SRCAP: variants seen among roughly 807,000 people sequenced by gnomAD.
SRCAP encodes the protein Snf2 related CREBBP activator protein, also known as chromatin remodeling protein SRCAP.
In SRCAP, 46 loss-of-function variants were observed where a neutral mutation model predicts 263.1. The ratio of observed to expected loss-of-function variants is 0.17; its 90% confidence interval spans 0.14 to 0.22. SRCAP has a LOEUF of 0.22. Among genes scored for constraint, SRCAP ranks in the 10% least tolerant of loss-of-function variants. The pLI is 1.00. For missense variants in SRCAP, 3,695 were observed against 4,181.9 expected, an observed-to-expected ratio of 0.88 and a Z score of 3.21; for synonymous variants, 1,813 against 1,662.1, an observed-to-expected ratio of 1.09 and a Z score of -2.21.
rs1596670103 is a variant in SRCAP at position 30,739,112 on chromosome 16, C to T, written c.9072C>T (p.Val3024=). 3.7e-6 allele frequency: 6 copies of T among 1,614,250 alleles called. No homozygotes were observed. The Middle Eastern group carries it at 4.9e-4, about 133-fold the overall frequency. Residue 3024 remains valine (V), a synonymous_variant, in exon 34 of 34, where the codon GTC becomes GTT. Coordinates refer to ENST00000262518, the MANE Select transcript of SRCAP (RefSeq NM_006662.3). ...PPSPRPSQLP[V]LDRDSTSVLE... ...CACCTCGGCCCAGCCAGCTCCCCGT[C>T]TTGGACCGTGACAGCACTTCTGTTC...
rs1292586485 is a variant in SRCAP, at chr16:30,733,299, A to G, written c.6147A>G (p.Ala2049=). Residue 2049 remains alanine (A), a synonymous_variant, in exon 28 of 34, where the codon GCA becomes GCG. Transcript: ENST00000262518. This position sits in a 1 kb window ranked among gnomAD's most constrained non-coding sequence, Gnocchi z 5.3. ...CTTTAGGAAAGTTGCAGACGTTGGC[A>G]GTGCTGTTGCGGCAGCTCAAGGCAG... is the stretch of plus-strand genomic sequence containing the variant. ...QYDCGKLQTL[A]VLLRQLKAEG... The G allele has an allele frequency of 1.9e-6, 3 of 1,614,058 alleles. No homozygotes were observed. The South Asian group carries it at 3.3e-5, about 18-fold the overall frequency.
chr16:30,720,221 G>A lies in SRCAP; in HGVS notation c.2877G>A (p.Glu959=), dbSNP rs1937748622. 2.5e-6 allele frequency: 4 copies of A among 1,613,982 alleles called. No individual in the cohort carries two copies. The highest frequency in any genetic ancestry group is 1.7e-5 in the Admixed American group (1 of 59,992). ...TGGAAGGTCGTGTCTCTCGATATGA[G>A]GCAGACACATTTCTGCCCCGGCACC... is the stretch of plus-strand genomic sequence containing the variant. ...IGLEGRVSRY[E]ADTFLPRHRL... is the part of the protein sequence containing the mutation. Residue 959 remains glutamate, a synonymous_variant, in exon 19 of 34, where the codon GAG becomes GAA. Coordinates refer to ENST00000262518, the MANE Select transcript of SRCAP (RefSeq NM_006662.3).
chr16:30,711,132 G>T (rs1439612829), intron 10 of SRCAP, 44 bp downstream of exon 10: 1 of 1,464,814 alleles, frequency 6.8e-7, no homozygotes, highest in African/African-American at 1.4e-5. Flanking sequence ...CTTGGTGTCT[G>T]CGGTGTGCAG....
In SRCAP at chr16:30,738,453, A is replaced by G. The variant is rs369664039; in HGVS notation, c.8413A>G (p.Ile2805Val). ...SMSGPESSPP[I>V]GGPCEAAPSS... ...GTCAGGGCCAGAATCCTCCCCTCCC[A>G]TTGGTGGGCCCTGTGAAGCTGCTCC... Residue 2805 changes from isoleucine to valine, a missense_variant, in exon 34 of 34, where the codon ATT becomes GTT. Ile to Val is a conservative substitution (Grantham distance 29). Around this residue, in one of 12 missense-constraint regions of SRCAP, gnomAD observed 1,207 missense variants for 1,142.9 expected, o/e 1.06. Transcript: ENST00000262518. 3 of 1,561,570 alleles carry G rather than the reference A, an allele frequency of 1.9e-6. No homozygotes were observed. Among genetic ancestry groups the G allele is most frequent in the African/African-American group, 1.4e-5 (1 of 73,234 alleles).
chr16:30,707,150 G>C (rs1203408284), intron 4 of SRCAP, 33 bp from the exon 5 acceptor site: 1 of 1,611,036 alleles, frequency 6.2e-7, no homozygotes, highest in Admixed American at 1.7e-5. Flanking sequence ...TGTGTGTTTA[G>C]AACTGTTGAT....
chr16:30,720,391 A>T, intron 19 of SRCAP, 60 bp downstream of exon 19: 1 of 1,569,968 alleles, frequency 6.4e-7, no homozygotes, highest in Non-Finnish European at 8.7e-7. Context: ...AGCTGCCCAG[A>T]GGGGCCTGGG....
intron 30 of SRCAP, 116 bp downstream of exon 30, chr16:30,734,124 C>G (rs2053137307): frequency 1.1e-6 from 1 of 908,912 alleles, no homozygotes; most frequent in Non-Finnish European, 1.7e-6. Flanking sequence ...AGGCGGATCA[C>G]TTGAGGCCAG....
chr16:30,729,040 T>C lies in SRCAP; in HGVS notation c.5733T>C (p.His1911=). The part of the protein sequence containing the change: ...LERIFQLSEA[H]GALAPVYGTE... The stretch of plus-strand genomic sequence containing the variant: ...GGATTTTCCAACTTAGTGAGGCTCA[T>C]GGGGCCCTGGCACCTGTGTATGGGA... Residue 1911 remains histidine (H), a synonymous_variant, in exon 26 of 34, where the codon CAT becomes CAC. Transcript: ENST00000262518. 1.2e-6 allele frequency: 2 copies of C among 1,614,196 alleles called. No individual in the cohort carries two copies. The highest frequency in any genetic ancestry group is 2.2e-5 in the East Asian group (1 of 44,874).
intron 16 of SRCAP, among the ~76,000 whole-genome samples, chr16:30,715,303 C>T (rs751478401): frequency 1.1e-4 from 16 of 151,706 alleles, no homozygotes; most frequent in South Asian, 6.3e-4. Context: ...CGGTGGCTCA[C>T]GCCTGTAATC....
Position 30,723,621 on chromosome 16 carries a change from T to A in SRCAP, c.4197T>A (p.Ser1399=), listed in dbSNP as rs1214515849. The A allele has an allele frequency of 2.5e-6, 4 of 1,612,870 alleles. No individual in the cohort carries two copies. The highest frequency in any genetic ancestry group is 2.7e-5 in the African/African-American group (2 of 74,904). The change falls in exon 25 of 34, where the codon TCT becomes TCA. Residue 1399 remains serine (S), a synonymous_variant. Transcript: ENST00000262518. ...APGAAPLTIS[S]PLHVPSSLPG... The stretch of plus-strand genomic sequence containing the variant: ...GAGCTGCCCCCTTGACCATCTCTTC[T>A]CCTCTCCACGTGCCATCCTCCCTCC...
In SRCAP at chr16:30,712,338, C is replaced by T; in HGVS notation, c.1892C>T (p.Thr631Ile). Residue 631 changes from threonine (T) to isoleucine (I), a missense_variant, in exon 13 of 34, where the codon ACC becomes ATC. Coordinates refer to ENST00000262518, the MANE Select transcript of SRCAP (RefSeq NM_006662.3). ...CACATTGGGCTAGACTGGCTGGTTA[C>T]CATGTATGAGAAGAAGCTTAATGGC... ...YQHIGLDWLVTMYEKKLNGIL... is the reference protein window; with the variant it reads ...YQHIGLDWLVIMYEKKLNGIL... 4 of 1,613,446 alleles carry T rather than the reference C, an allele frequency of 2.5e-6. No homozygotes were observed. The highest frequency in any genetic ancestry group is 3.4e-6 in the Non-Finnish European group (4 of 1,179,660).
In SRCAP at chr16:30,709,743, T is replaced by C. The variant is rs1445949797; in HGVS notation, c.856+8T>C. The C allele has an allele frequency of 6.2e-7, 1 of 1,614,044 alleles. No homozygotes were observed. The highest frequency in any genetic ancestry group is 2.2e-5 in the East Asian group (1 of 44,904). On this transcript the variant is annotated splice_region_variant and intron_variant, in intron 7 of 33. Transcript: ENST00000262518. ...CTCGCCTGGATGATGAAGGTGTGTG[T>C]TCTCTTTGGTCCTGTTACTCTTCCT... is the stretch of plus-strand genomic sequence containing the variant.
chr16:30,736,973 C>G, intron 33 of SRCAP, 76 bp from the exon 34 acceptor site: 1 of 1,483,022 alleles, frequency 6.7e-7, no homozygotes. Context: ...CGCGCCTGAC[C>G]TGGAAGCTGC....
intron 3 of SRCAP, 97 bp downstream of exon 3, chr16:30,700,975 T>G (rs552778870): frequency 1.4e-4 from 183 of 1,340,442 alleles, no homozygotes; most frequent in Admixed American, 5.2e-4. Context: ...GTGGAGAGTT[T>G]TGGAGAATCT....
intron 16 of SRCAP, among the ~76,000 whole-genome samples, chr16:30,714,478 G>T (rs1271555274): frequency 6.7e-6 from 1 of 150,036 alleles, no homozygotes; most frequent in African/African-American, 2.5e-5. Context: ...GAAAATCCTG[G>T]AATTAAAGGT....
At chr16:30,713,406 G>C in intron 15 of SRCAP, 29 bp downstream of exon 15, 1 of 1,613,648 alleles carries the variant, frequency 6.2e-7, no homozygotes, top group East Asian at 2.2e-5. Flanking sequence ...ATTCATGGGA[G>C]GGTTGACTTG....
At chr16:30,710,725 C>A in intron 8 of SRCAP, 29 bp from the exon 9 acceptor site, 1 of 1,611,138 alleles carries the variant, frequency 6.2e-7, no homozygotes, top group Non-Finnish European at 8.5e-7. Context: ...AACCTTAGAC[C>A]CTTCCCTTTT....
Position 30,724,104 on chromosome 16 carries a change from G to T in SRCAP, c.4680G>T (p.Pro1560=). 6.2e-7 allele frequency: 1 copy of T among 1,613,566 alleles called. No homozygotes were observed. The highest frequency in any genetic ancestry group is 8.5e-7 in the Non-Finnish European group (1 of 1,180,028). ...CTTCGGCTCTGGCCAGTCCTTTTCCGTCAGCACCAAATCCAGCTCCAGCTC... is the reference window on the plus strand; with the variant it reads ...CTTCGGCTCTGGCCAGTCCTTTTCCTTCAGCACCAAATCCAGCTCCAGCTC... The part of the protein sequence containing the change: ...VPASALASPF[P]SAPNPAPAQA... The change falls in exon 25 of 34, where the codon CCG becomes CCT. Residue 1560 remains proline (P), a synonymous_variant. Transcript: ENST00000262518.
chr16:30,730,112 T>G (rs1388038242), intron 27 of SRCAP, among the ~76,000 whole-genome samples: 1 of 152,200 alleles, frequency 6.6e-6, no homozygotes, highest in East Asian at 1.9e-4. Flanking sequence ...GCTAACTCCT[T>G]CATTCAGTGA....
Sources: gnomAD v4.1 joint callset for allele counts (sites outside exome capture counted in the v4.1 genomes callset) on GRCh38, gnomAD v4.1.1 for gene constraint, gnomAD v4.1.1 regional missense constraint, Gnocchi (gnomAD v3.1) non-coding constraint, MANE v1.5 for transcripts, NCBI Gene and HGNC (gene_info 2026-07-23, HGNC 2026-07-21) for gene names.